PEX5L: variants seen among roughly 807,000 people sequenced by gnomAD.
PEX5L encodes peroxisomal biogenesis factor 5 like, also known as PEX5-related protein.
Under a neutral mutation model 84.0 loss-of-function variants are expected in PEX5L, and 30 were observed. The observed-to-expected ratio is 0.36, with a 90% confidence interval of 0.27 to 0.48. PEX5L has a LOEUF of 0.48. Among genes scored for constraint, PEX5L ranks in the 20% least tolerant of loss-of-function variants. The probability of loss-of-function intolerance (pLI) is 0.99; values close to 1 mark genes in which losing one functional copy is unlikely to be tolerated. For synonymous variants in PEX5L, 270 were observed against 283.1 expected (o/e 0.95, Z 0.46); for missense variants, 533 against 754.6 (o/e 0.71, Z 3.44).
intron 2 of PEX5L, among the ~76,000 whole-genome samples, chr3:179,904,811 G>A (rs1276499642): frequency 6.6e-6 from 1 of 152,060 alleles, no homozygotes; most frequent in African/African-American, 2.4e-5. Context: ...TTCTCCTTCT[G>A]AGTTGGGGTC....
intron 7 of PEX5L, among the ~76,000 whole-genome samples, chr3:179,866,641 A>G (rs9836550): frequency 0.93 from 141,255 of 152,230 alleles, 65,701 homozygotes; most frequent in African/African-American, 0.98. Context: ...ACTAGTTGGA[A>G]TCTTATACTA....
intron 1 of PEX5L, among the ~76,000 whole-genome samples, chr3:180,015,876 A>G (rs1394029907): frequency 8.5e-6 from 1 of 118,168 alleles, no homozygotes; most frequent in Non-Finnish European, 1.6e-5. Flanking sequence ...CATATAATAT[A>G]TAATATTTAA....
At chr3:179,900,771 G>A (rs1365095145) in intron 2 of PEX5L, 7 of 1,442,460 alleles carry the variant, frequency 4.9e-6, no homozygotes, top group Non-Finnish European at 5.6e-6. Flanking sequence ...GTTAGTGCCT[G>A]CTAGCAACTT....
intron 10 of PEX5L, among the ~76,000 whole-genome samples, chr3:179,815,324 C>G (rs1055622426): frequency 1.3e-5 from 2 of 152,204 alleles, no homozygotes; most frequent in Non-Finnish European, 2.9e-5. Context: ...GTGGCTCATG[C>G]CTGTAATCCC....
intron 8 of PEX5L, among the ~76,000 whole-genome samples, chr3:179,832,580 C>T (rs968704514): frequency 6.6e-6 from 1 of 151,146 alleles, no homozygotes; most frequent in Non-Finnish European, 1.5e-5. Context: ...ACCCACCAAC[C>T]TACCTACTTA....
chr3:179,989,868 G>A (rs1194105130), intron 1 of PEX5L, among the ~76,000 whole-genome samples: 1 of 152,164 alleles, frequency 6.6e-6, no homozygotes, highest in Non-Finnish European at 1.5e-5. Context: ...ATATAGAGGT[G>A]CCCTGAAGTT....
At chr3:179,906,454 A>G (rs573353628) in intron 2 of PEX5L, among the ~76,000 whole-genome samples, 1 of 152,304 alleles carries the variant, frequency 6.6e-6, no homozygotes, top group South Asian at 2.1e-4. Context: ...AGGGTGGTCT[A>G]TCTTAAAAAC....
At chr3:179,873,154 G>A (rs746732438) in intron 7 of PEX5L, among the ~76,000 whole-genome samples, 22 of 152,062 alleles carry the variant, frequency 1.4e-4, no homozygotes, top group Non-Finnish European at 4.4e-5. Context: ...CTAGTTGTGG[G>A]TCCGCGGACA....
At chr3:179,831,565 C>G (rs957204011) in intron 8 of PEX5L, among the ~76,000 whole-genome samples, 1 of 152,102 alleles carries the variant, frequency 6.6e-6, no homozygotes, top group Admixed American at 6.5e-5. Context: ...GATGCTCACC[C>G]TGCTGCTGGA....
At chr3:179,917,496 C>T (rs975013427) in intron 2 of PEX5L, among the ~76,000 whole-genome samples, 4 of 152,136 alleles carry the variant, frequency 2.6e-5, no homozygotes, top group African/African-American at 9.7e-5. Context: ...TCTGGCAGCA[C>T]AGTAATTTGT....
intron 8 of PEX5L, among the ~76,000 whole-genome samples, chr3:179,846,140 A>G (rs1233774831): frequency 6.6e-6 from 1 of 152,226 alleles, no homozygotes; most frequent in Non-Finnish European, 1.5e-5. Context: ...ACTGCACTCC[A>G]GCCTGGGTGA....
chr3:179,982,273 TTAAAAA>T (rs2110335269), intron 1 of PEX5L, among the ~76,000 whole-genome samples: 1 of 152,290 alleles, frequency 6.6e-6, no homozygotes, highest in East Asian at 1.9e-4. Context: ...TTCTTAATAT[TTAAAAA>T]TAATAACGTG....
intron 1 of PEX5L, among the ~76,000 whole-genome samples, chr3:180,021,273 G>A (rs1302414899): frequency 1.3e-5 from 2 of 152,178 alleles, no homozygotes; most frequent in African/African-American, 4.8e-5. Context: ...AATCTAGTAA[G>A]GTTAGAGTTT....
intron 1 of PEX5L, among the ~76,000 whole-genome samples, chr3:179,976,154 A>G (rs1268693469): frequency 6.6e-6 from 1 of 152,226 alleles, no homozygotes; most frequent in African/African-American, 2.4e-5. Flanking sequence ...GAACTCAGTA[A>G]ATGATGAGGA....
At chr3:179,926,821 G>A (rs115924930) in intron 2 of PEX5L, among the ~76,000 whole-genome samples, 1,569 of 152,250 alleles carry the variant, frequency 0.01, 30 homozygotes, top group African/African-American at 0.036. Context: ...TTGTTTAACC[G>A]TGTAAACTTT....
chr3:180,035,503 A>G (rs1369492355), intron 1 of PEX5L, among the ~76,000 whole-genome samples: 1 of 152,250 alleles, frequency 6.6e-6, no homozygotes, highest in African/African-American at 2.4e-5. Context: ...AATTGAGACT[A>G]TGATGAAATA....
intron 9 of PEX5L, among the ~76,000 whole-genome samples, chr3:179,816,481 A>C (rs564128359): frequency 6.6e-6 from 1 of 152,184 alleles, no homozygotes; most frequent in Non-Finnish European, 1.5e-5. Context: ...GCAAACTAAC[A>C]TAGGAACAGA....
Position 180,036,628 on chromosome 3 carries a change from A to T in PEX5L, c.-29T>A. 1 of 1,613,724 alleles carries T rather than the reference A, an allele frequency of 6.2e-7. No homozygotes were observed. The highest frequency in any genetic ancestry group is 8.5e-7 in the Non-Finnish European group (1 of 1,179,628). ...GCTTCGGTTTCTTCAGGGCTCCCTG[A>T]GGCCACCGGATGCTTTTCCCCCGTG... On this transcript the variant is annotated 5_prime_UTR_variant, in exon 1 of 15. Transcript: ENST00000467460.
intron 1 of PEX5L, among the ~76,000 whole-genome samples, chr3:180,027,960 C>T (rs916470438): frequency 5.3e-5 from 8 of 152,244 alleles, no homozygotes; most frequent in African/African-American, 1.2e-4. Flanking sequence ...ACCTGAGTGA[C>T]GCTGTCTCTT....
Sources: allele counts gnomAD v4.1 joint callset (sites outside exome capture counted in the v4.1 genomes callset), GRCh38; gene constraint gnomAD v4.1.1; transcripts MANE v1.5; gene names NCBI Gene and HGNC (gene_info 2026-07-23, HGNC 2026-07-21).